SFRP1: variants seen among roughly 807,000 people sequenced by gnomAD.
SFRP1 encodes secreted frizzled-related protein 1.
SFRP1 carries 9 observed loss-of-function variants against 25.9 expected under a neutral mutation model. The ratio of observed to expected loss-of-function variants is 0.35; its 90% CI spans 0.21 to 0.61. SFRP1 has a LOEUF of 0.61. Among genes scored for constraint, SFRP1 ranks in the 20% least tolerant of loss-of-function variants. The pLI is 0.78. For missense variants in SFRP1, 346 were observed against 418.2 expected, an observed-to-expected ratio of 0.83 and a Z score of 1.51; for synonymous variants, 178 against 174.0, an observed-to-expected ratio of 1.02 and a Z score of -0.18.
At chr8:41,272,332 C>T (rs568055665) in intron 2 of SFRP1, among the ~76,000 whole-genome samples, 27 of 152,122 alleles carry the variant, frequency 1.8e-4, no homozygotes, top group Admixed American at 1.1e-3. Context: ...AGGCCAGGCA[C>T]GGTGGCTCAC....
intron 2 of SFRP1, among the ~76,000 whole-genome samples, chr8:41,301,917 AC>A (rs1407982456): frequency 1.3e-5 from 2 of 152,210 alleles, no homozygotes; most frequent in Non-Finnish European, 2.9e-5. Flanking sequence ...CAGATGAGTT[AC>A]CTGAGTGCCC....
chr8:41,306,827 A>C, intron 1 of SFRP1: 2 of 1,598,146 alleles, frequency 1.3e-6, no homozygotes, highest in Non-Finnish European at 1.7e-6. Flanking sequence ...GGTGTCCGGA[A>C]GACAGCGATT....
At chr8:41,303,242 T>A (rs146185963) in intron 2 of SFRP1, among the ~76,000 whole-genome samples, 2 of 151,660 alleles carry the variant, frequency 1.3e-5, no homozygotes, top group African/African-American at 4.8e-5. Context: ...TGTCCAGCGA[T>A]CCCCCACAAA....
chr8:41,266,138 C>T (rs1346830263), intron 2 of SFRP1, among the ~76,000 whole-genome samples: 2 of 151,872 alleles, frequency 1.3e-5, no homozygotes, highest in African/African-American at 4.8e-5. Context: ...TGCACTCCAG[C>T]CTGAGCGACA....
chr8:41,279,301 G>A (rs1222451769), intron 2 of SFRP1, among the ~76,000 whole-genome samples: 3 of 152,240 alleles, frequency 2.0e-5, no homozygotes, highest in Non-Finnish European at 2.9e-5. Context: ...ACAGAACTCC[G>A]CTTCAGCACT....
intron 2 of SFRP1, among the ~76,000 whole-genome samples, chr8:41,291,280 A>C (rs57411995): frequency 0.016 from 2,489 of 152,188 alleles, 62 homozygotes; most frequent in African/African-American, 0.055. Context: ...CTGTGTTACC[A>C]ACAAGGCCAA....
At chr8:41,274,502 C>T (rs1213978481) in intron 2 of SFRP1, among the ~76,000 whole-genome samples, 1 of 152,034 alleles carries the variant, frequency 6.6e-6, no homozygotes, top group Non-Finnish European at 1.5e-5. Context: ...GAATATTAAC[C>T]AAAAATGTGA....
intron 2 of SFRP1, among the ~76,000 whole-genome samples, chr8:41,301,428 T>C (rs1803914912): frequency 6.7e-6 from 1 of 149,940 alleles, no homozygotes; most frequent in Admixed American, 6.7e-5. Flanking sequence ...AGAGCTAAGC[T>C]CAGCCCCTAC....
intron 2 of SFRP1, among the ~76,000 whole-genome samples, chr8:41,299,499 TAAAAAAAA>T (rs576175856): frequency 7.1e-5 from 4 of 56,060 alleles, no homozygotes; most frequent in South Asian, 8.2e-4. Flanking sequence ...TTCTCCTTTA[TAAAAAAAA>T]AAAAAAAAAA....
chr8:41,294,953 C>G (rs185431871), intron 2 of SFRP1, among the ~76,000 whole-genome samples: 2 of 152,146 alleles, frequency 1.3e-5, no homozygotes, highest in African/African-American at 4.8e-5. Flanking sequence ...TAAACTCAGC[C>G]CTGCAGGAAG....
chr8:41,270,125 C>A (rs1264389217), intron 2 of SFRP1, among the ~76,000 whole-genome samples: 1 of 152,048 alleles, frequency 6.6e-6, no homozygotes, highest in African/African-American at 2.4e-5. Flanking sequence ...GTGGTGAGGG[C>A]AAATTCCAGA....
chr8:41,288,555 A>C (rs1803737115), intron 2 of SFRP1, among the ~76,000 whole-genome samples: 1 of 145,392 alleles, frequency 6.9e-6, no homozygotes, highest in Non-Finnish European at 1.5e-5. Context: ...AAAAAAAAAA[A>C]AAAAAAAAAA....
intron 1 of SFRP1, 44 bp downstream of exon 1, chr8:41,308,572 G>A (rs765615171): frequency 6.8e-6 from 10 of 1,470,730 alleles, no homozygotes; most frequent in East Asian, 4.8e-5. Flanking sequence ...TCCGGCCGGG[G>A]GATGGAGGGG....
At chr8:41,266,844 T>C (rs1236521022) in intron 2 of SFRP1, among the ~76,000 whole-genome samples, 2 of 152,216 alleles carry the variant, frequency 1.3e-5, no homozygotes, top group African/African-American at 4.8e-5. Context: ...GGCAGAACTA[T>C]GTGTGTGCAC....
chr8:41,309,071 G>A lies in SFRP1; in HGVS notation c.89C>T (p.Ser30Leu), dbSNP rs749835100. Residue 30 changes from serine (S) to leucine (L), a missense_variant, in exon 1 of 3, where the codon TCG becomes TTG. Ser to Leu is a moderately radical substitution (Grantham distance 145). Transcript: ENST00000220772. ...ALGAALLAVG[S>L]ASEYDYVSFQ... ...GCTCACGTAGTCGTACTCGCTGGCC[G>A]AGCCCACGGCCAGAAGCGCCGCGCC... 25 of 1,599,224 alleles carry A rather than the reference G, an allele frequency of 1.6e-5. No individual in the cohort carries two copies. The highest frequency in any genetic ancestry group is 2.2e-5 in the East Asian group (1 of 44,638).
chr8:41,301,810 G>C (rs951958121), intron 2 of SFRP1, among the ~76,000 whole-genome samples: 1 of 152,204 alleles, frequency 6.6e-6, no homozygotes, highest in Non-Finnish European at 1.5e-5. Context: ...CACAAACCGT[G>C]ACTGGTTATC....
At chr8:41,308,573 G>A (rs758592000) in intron 1 of SFRP1, 43 bp downstream of exon 1, 36 of 1,474,428 alleles carry the variant, frequency 2.4e-5, no homozygotes, top group Non-Finnish European at 3.0e-5. Flanking sequence ...CCGGCCGGGG[G>A]ATGGAGGGGG....
chr8:41,265,138 G>GAC lies in SFRP1; in HGVS notation c.*28_*29insGT. 1 of 508,950 alleles carries GAC rather than the reference G, an allele frequency of 2.0e-6. No individual in the cohort carries two copies. The highest frequency in any genetic ancestry group is 3.3e-6 in the Non-Finnish European group (1 of 302,258). 31.5% of individuals were successfully genotyped at this position (508,950 alleles called of 1,614,324 possible). On this transcript the variant is annotated 3_prime_UTR_variant, in exon 3 of 3. Transcript: ENST00000220772. ...CCCCCCCGCTCCCACCCCACCCGAGGCTCCCTCCCCACCCTGCCCCCGGGA... is the reference window on the plus strand; with the variant it reads ...CCCCCCCGCTCCCACCCCACCCGAGGACCTCCCTCCCCACCCTGCCCCCGGGA...
rs1212544098 is a variant in SFRP1 at position 41,263,453 on chromosome 8, T to C, written c.*1714A>G. The C allele has an allele frequency of 2.0e-5, 3 of 152,226 alleles. No homozygotes were observed. The highest frequency in any genetic ancestry group is 1.9e-4 in the East Asian group (1 of 5,188). The allele number at this position is 152,226 out of a possible 1,614,324, so 9.4% of individuals were successfully genotyped here. A position where few individuals can be genotyped will look rare whatever the true frequency, so the allele number is the denominator to read the frequency against. Reference sequence around the variant, plus strand: ...AACTAGGCGGGCATGCTGATTTTCATACTGGAGTCTTCAAGAGTTAACAGA... The same window carrying C: ...AACTAGGCGGGCATGCTGATTTTCACACTGGAGTCTTCAAGAGTTAACAGA... On this transcript the variant is annotated 3_prime_UTR_variant, in exon 3 of 3. Transcript: ENST00000220772.
Sources: allele counts gnomAD v4.1 joint callset (sites outside exome capture counted in the v4.1 genomes callset), GRCh38; gene constraint gnomAD v4.1.1; transcripts MANE v1.5; gene names NCBI Gene and HGNC (gene_info 2026-07-23, HGNC 2026-07-21).